A4GNT: variants seen among roughly 807,000 people sequenced by gnomAD.
The protein encoded by A4GNT is alpha-1,4-N-acetylglucosaminyltransferase.
A4GNT carries 6 observed loss-of-function variants against 8.3 expected under a neutral mutation model. That is an observed-to-expected ratio of 0.72 (90% CI 0.39 to 1.42). The LOEUF is 1.42. A4GNT is among the 40% of genes most tolerant of loss of function. The pLI, the probability that A4GNT is intolerant of heterozygous loss-of-function variation, is 0.02. For missense variants in A4GNT, 377 were observed against 417.0 expected (o/e 0.90, Z 0.84); for synonymous variants, 157 against 159.8 (o/e 0.98, Z 0.13).
chr3:138,133,186 C>G (rs2042788034), upstream of A4GNT, among the ~76,000 whole-genome samples: 1 of 152,190 alleles, frequency 6.6e-6, no homozygotes, highest in African/African-American at 2.4e-5. Flanking sequence ...TCTAACATAG[C>G]AGGTCCTACA....
intron 2 of A4GNT, among the ~76,000 whole-genome samples, chr3:138,128,586 T>C (rs1157218707): frequency 6.6e-6 from 1 of 151,962 alleles, no homozygotes. Context: ...CCCAATTACC[T>C]CCTACCAGGC....
chr3:138,126,852 C>T (rs1244455798), intron 2 of A4GNT, among the ~76,000 whole-genome samples: 4 of 151,034 alleles, frequency 2.6e-5, no homozygotes, highest in Non-Finnish European at 5.9e-5. Flanking sequence ...AAAAATAAGC[C>T]GGGCGTGGGT....
chr3:138,130,585 T>C (rs2042770185), intron 2 of A4GNT, among the ~76,000 whole-genome samples: 1 of 151,998 alleles, frequency 6.6e-6, no homozygotes, highest in African/African-American at 2.4e-5. Flanking sequence ...AGAAAAGATA[T>C]AAAAACTCAT....
In A4GNT at chr3:138,124,340, C is replaced by G; in HGVS notation, c.947G>C (p.Cys316Ser). ...AATCAGGTCCCTGTAAGTCCTGGGA[C>G]AGTGCTTGCGATAGAGATTTTCCAC... Reference protein sequence around the residue: ...TLVENLYRKHCPRTYRDLIKG... With the variant: ...TLVENLYRKHSPRTYRDLIKG... The change falls in exon 3 of 3, where the codon TGT becomes TCT. Residue 316 changes from cysteine to serine, a missense_variant. Cys to Ser is a moderately radical substitution (Grantham distance 112, BLOSUM62 -1). Coordinates refer to ENST00000236709, the MANE Select transcript of A4GNT (RefSeq NM_016161.3). 6.2e-7 allele frequency: 1 copy of G among 1,614,246 alleles called. No individual in the cohort carries two copies. Among genetic ancestry groups the G allele is most frequent in the South Asian group, 1.1e-5 (1 of 91,090 alleles).
At position 138,124,503 on chromosome 3, in the gene A4GNT, G is replaced by T; in HGVS notation, c.784C>A (p.Pro262Thr). 6.2e-7 allele frequency: 1 copy of T among 1,614,178 alleles called. No individual in the cohort carries two copies. Among genetic ancestry groups the T allele is most frequent in the South Asian group, 1.1e-5 (1 of 91,076 alleles). ...CGCCTCCACTCTCGATAGGAGATGGGGTAAAATCTTTGGGGGTGTAAGAAG... is the reference window on the plus strand; with the variant it reads ...CGCCTCCACTCTCGATAGGAGATGGTGTAAAATCTTTGGGGGTGTAAGAAG... ...ISFLHPQRFYPISYREWRRYY... is the reference protein window; with the variant it reads ...ISFLHPQRFYTISYREWRRYY... Residue 262 changes from proline to threonine, a missense_variant, in exon 3 of 3, where the codon CCC (proline) becomes ACC (threonine). Coordinates refer to ENST00000236709, the MANE Select transcript of A4GNT (RefSeq NM_016161.3).
At chr3:138,124,920 A>G in intron 2 of A4GNT, 42 bp from the exon 3 acceptor site, 1 of 1,585,056 alleles carries the variant, frequency 6.3e-7, no homozygotes. Context: ...AGCCAGGGGA[A>G]GAGGGAGGGG....
chr3:138,124,172 C>T lies in A4GNT; in HGVS notation c.*92G>A, dbSNP rs1205526571. ...CATTTGAGAGGCAACCCTCTGCCCA[C>T]CCCGCCAAGAGACAGTGGAGATCAA... On this transcript the variant is annotated 3_prime_UTR_variant, in exon 3 of 3. Transcript: ENST00000236709. The T allele has an allele frequency of 4.7e-6, 7 of 1,503,046 alleles. No homozygotes were observed. Among genetic ancestry groups the T allele is most frequent in the South Asian group, 1.3e-5 (1 of 74,208 alleles). 93.1% of individuals were successfully genotyped at this position (1,503,046 alleles called of 1,614,324 possible). A position where few individuals can be genotyped will look rare whatever the true frequency, so the allele number is the denominator to read the frequency against.
chr3:138,124,195 C>G lies in A4GNT; in HGVS notation c.*69G>C, dbSNP rs1253479525. 6.5e-7 allele frequency: 1 copy of G among 1,548,536 alleles called. No homozygotes were observed. Among genetic ancestry groups the G allele is most frequent in the African/African-American group, 1.4e-5 (1 of 73,312 alleles). On this transcript the variant is annotated 3_prime_UTR_variant, in exon 3 of 3. Coordinates refer to ENST00000236709, the MANE Select transcript of A4GNT (RefSeq NM_016161.3). The stretch of plus-strand genomic sequence containing the variant: ...CACCCCGCCAAGAGACAGTGGAGAT[C>G]AAGTGAAAATGTGGCACTCCAGGAA...
At chr3:138,127,795 C>T (rs2042754798) in intron 2 of A4GNT, among the ~76,000 whole-genome samples, 1 of 152,128 alleles carries the variant, frequency 6.6e-6, no homozygotes, top group African/African-American at 2.4e-5. Context: ...CAGGTGGTTC[C>T]CAGCTATCCT....
chr3:138,129,970 TG>T (rs1246498728), intron 2 of A4GNT, among the ~76,000 whole-genome samples: 2 of 152,222 alleles, frequency 1.3e-5, no homozygotes, highest in Non-Finnish European at 2.9e-5. Context: ...GATTACTTTT[TG>T]TTTTCTAAAA....
At position 138,131,013 on chromosome 3, in the gene A4GNT, G is replaced by A; in HGVS notation, c.244C>T (p.Pro82Ser). 3.1e-6 allele frequency: 5 copies of A among 1,614,076 alleles called. No individual in the cohort carries two copies. The highest frequency in any genetic ancestry group is 1.3e-5 in the African/African-American group (1 of 75,006). The change falls in exon 2 of 3, where the codon CCT (proline) becomes TCT (serine). Residue 82 changes from proline (P) to serine (S), a missense_variant. By Grantham distance (74) the Pro-to-Ser change is moderately conservative. Coordinates refer to ENST00000236709, the MANE Select transcript of A4GNT (RefSeq NM_016161.3). ...AGACCCTTCATAAAGAACACCACAG[G>A]CCACTCAGGATAAATCTTGGCAGCA... is the stretch of plus-strand genomic sequence containing the variant. ...ESAAKIYPEW[P>S]VVFFMKGLTD...
chr3:138,125,534 T>C (rs1418253426), intron 2 of A4GNT, among the ~76,000 whole-genome samples: 1 of 152,042 alleles, frequency 6.6e-6, no homozygotes, highest in Non-Finnish European at 1.5e-5. Flanking sequence ...TGACAACAAC[T>C]ATGAAGAAAA....
Position 138,124,770 on chromosome 3 carries a change from T to G in A4GNT, c.517A>C (p.Ile173Leu), listed in dbSNP as rs1266705865. 1 of 1,614,110 alleles carries G rather than the reference T, an allele frequency of 6.2e-7. No homozygotes were observed. The highest frequency in any genetic ancestry group is 1.3e-5 in the African/African-American group (1 of 75,022). The change falls in exon 3 of 3, where the codon ATC (isoleucine) becomes CTC (leucine). Residue 173 changes from isoleucine to leucine, a missense_variant. Ile to Leu is a conservative substitution (Grantham distance 5). Transcript: ENST00000236709. ...AAGTTCTCCTCAGGGATGGGCCTGA[T>G]GGAGATGACATCGGTGTCCATGTAG... The part of the protein sequence containing the change: ...GIYMDTDVIS[I>L]RPIPEENFLA...
chr3:138,124,074 A>G lies in A4GNT; in HGVS notation c.*190T>C. On this transcript the variant is annotated 3_prime_UTR_variant, in exon 3 of 3. Transcript: ENST00000236709. The stretch of plus-strand genomic sequence containing the variant: ...TGGAGGTCAAGCAGTCAAATGGACC[A>G]TGGGTGTATGTTTTATAGCCAGTAT... The G allele has an allele frequency of 1.4e-6, 1 of 721,456 alleles. No homozygotes were observed. The highest frequency in any genetic ancestry group is 2.2e-6 in the Non-Finnish European group (1 of 459,632). 44.7% of individuals were successfully genotyped at this position (721,456 alleles called of 1,614,324 possible). A position where few individuals can be genotyped will look rare whatever the true frequency, so the allele number is the denominator to read the frequency against.
chr3:138,131,996 A>G (rs2107889264), intron 1 of A4GNT, among the ~76,000 whole-genome samples: 1 of 152,366 alleles, frequency 6.6e-6, no homozygotes, highest in South Asian at 2.1e-4. Context: ...AAGAGAAATG[A>G]ATTTCTACTA....
At chr3:138,127,118 CAAA>C (rs898641661) in intron 2 of A4GNT, among the ~76,000 whole-genome samples, 27 of 34,066 alleles carry the variant, frequency 7.9e-4, no homozygotes, top group African/African-American at 2.3e-3. Context: ...GACTCCATCT[CAAA>C]AAAAAAAAAA....
Position 138,123,770 on chromosome 3 carries a change from A to G in A4GNT, c.*494T>C, listed in dbSNP as rs2107882641. ...ATTAATGAATGTCAAAATCAGGACT[A>G]GAAATCAAGTCTCTTTTTACCTCAG... On this transcript the variant is annotated 3_prime_UTR_variant, in exon 3 of 3. Coordinates refer to ENST00000236709, the MANE Select transcript of A4GNT (RefSeq NM_016161.3). 6.5e-6 allele frequency: 1 copy of G among 153,342 alleles called. No individual in the cohort carries two copies. The highest frequency in any genetic ancestry group is 1.5e-5 in the Non-Finnish European group (1 of 68,778). 9.5% of individuals were successfully genotyped at this position (153,342 alleles called of 1,614,324 possible). A position where few individuals can be genotyped will look rare whatever the true frequency, so the allele number is the denominator to read the frequency against.
Position 138,124,871 on chromosome 3 carries a change from G to C in A4GNT, c.416C>G (p.Ala139Gly). The C allele has an allele frequency of 6.2e-7, 1 of 1,609,704 alleles. No homozygotes were observed. Among genetic ancestry groups the C allele is most frequent in the Non-Finnish European group, 8.5e-7 (1 of 1,177,674 alleles). The change falls in exon 3 of 3, where the codon GCC becomes GGC. Residue 139 changes from alanine (A) to glycine (G), a missense_variant. Transcript: ENST00000236709. ...PLFSWYNQIN[A>G]SAERNWLHIS... ...GTGGAGCCAGTTTCTCTCTGCGCTG[G>C]CGTTGATCTGCAGGAGCAGGTGCAA...
At chr3:138,127,553 G>A (rs891775816) in intron 2 of A4GNT, among the ~76,000 whole-genome samples, 1 of 148,984 alleles carries the variant, frequency 6.7e-6, no homozygotes, top group African/African-American at 2.5e-5. Context: ...CAGCCTGTGC[G>A]ACAGAGCAAG....
Sources: allele counts gnomAD v4.1 joint callset (sites outside exome capture counted in the v4.1 genomes callset), GRCh38; gene constraint gnomAD v4.1.1; transcripts MANE v1.5; gene names NCBI Gene and HGNC (gene_info 2026-07-23, HGNC 2026-07-21).